KCNT2: variants seen among roughly 807,000 people sequenced by gnomAD.
The protein encoded by KCNT2 is potassium sodium-activated channel subfamily T member 2.
KCNT2 carries 67 observed loss-of-function variants against 153.8 expected under a neutral mutation model. That is an observed-to-expected ratio of 0.44 (90% CI 0.36 to 0.53). KCNT2 has a LOEUF of 0.53. Among genes scored for constraint, KCNT2 ranks in the 20% least tolerant of loss-of-function variants. KCNT2 has a pLI of 0.00. For synonymous variants in KCNT2, 500 were observed against 458.8 expected (o/e 1.09, Z -1.15); for missense variants, 975 against 1,354.8 (o/e 0.72, Z 4.40).
At chr1:196,553,659 C>G (rs964739311) in intron 1 of KCNT2, among the ~76,000 whole-genome samples, 2 of 151,020 alleles carry the variant, frequency 1.3e-5, no homozygotes, top group African/African-American at 4.8e-5. Flanking sequence ...ATTTACAGAA[C>G]ACTTCATCCA....
intron 12 of KCNT2, among the ~76,000 whole-genome samples, chr1:196,402,593 G>A (rs1217712241): frequency 1.3e-5 from 2 of 151,554 alleles, no homozygotes; most frequent in African/African-American, 4.8e-5. Context: ...AATAAAAAAT[G>A]TGGGAAAGGA....
chr1:196,396,582 ACT>A (rs146367130), intron 13 of KCNT2, among the ~76,000 whole-genome samples: 8,733 of 151,448 alleles, frequency 0.058, 388 homozygotes, highest in Non-Finnish European at 0.085. Flanking sequence ...AGCACTCCAA[ACT>A]CTTTTTGTGG....
chr1:196,533,073 G>A (rs1655147602), intron 1 of KCNT2, among the ~76,000 whole-genome samples: 1 of 152,020 alleles, frequency 6.6e-6, no homozygotes, highest in South Asian at 2.1e-4. Context: ...GGCAACCAAG[G>A]ATAATATAAA....
chr1:196,306,086 T>C (rs1445509823), intron 21 of KCNT2, among the ~76,000 whole-genome samples: 1 of 152,076 alleles, frequency 6.6e-6, no homozygotes, highest in Non-Finnish European at 1.5e-5. Context: ...TTATTTTTGC[T>C]GTTGTTCATG....
chr1:196,419,015 C>G (rs1430112503), intron 12 of KCNT2, among the ~76,000 whole-genome samples: 1 of 152,060 alleles, frequency 6.6e-6, no homozygotes, highest in Non-Finnish European at 1.5e-5. Flanking sequence ...ATTCTCTCCT[C>G]TGTGCTGGAT....
At chr1:196,536,533 T>C (rs991425403) in intron 1 of KCNT2, among the ~76,000 whole-genome samples, 1 of 152,184 alleles carries the variant, frequency 6.6e-6, no homozygotes, top group Non-Finnish European at 1.5e-5. Context: ...TGTCTAGGGG[T>C]GCCTCAGGCC....
chr1:196,566,779 C>T (rs1276750758), intron 1 of KCNT2, among the ~76,000 whole-genome samples: 1 of 151,816 alleles, frequency 6.6e-6, no homozygotes, highest in Non-Finnish European at 1.5e-5. Flanking sequence ...CAAATGAATG[C>T]CTTATAAAGA....
intron 26 of KCNT2, among the ~76,000 whole-genome samples, chr1:196,252,745 A>AT (rs1313302411): frequency 1.3e-5 from 2 of 151,364 alleles, no homozygotes; most frequent in Non-Finnish European, 3.0e-5. Flanking sequence ...GCCTTTTATC[A>AT]TTTTTTTGTA....
chr1:196,464,122 C>T (rs192680268), intron 8 of KCNT2, among the ~76,000 whole-genome samples: 1 of 151,686 alleles, frequency 6.6e-6, no homozygotes, highest in Non-Finnish European at 1.5e-5. Flanking sequence ...GAAAACACTC[C>T]TAAGTTGCCC....
chr1:196,340,630 A>T, intron 15 of KCNT2, 60 bp from the exon 16 acceptor site: 1 of 1,004,372 alleles, frequency 1.0e-6, no homozygotes, highest in Admixed American at 2.6e-5. Flanking sequence ...AAGGCTGAGG[A>T]AAATAAAAGC....
chr1:196,341,452 C>T (rs764062978), intron 15 of KCNT2, among the ~76,000 whole-genome samples: 1 of 151,832 alleles, frequency 6.6e-6, no homozygotes, highest in Non-Finnish European at 1.5e-5. Context: ...GTTGGGGGTT[C>T]CTGTACATTA....
chr1:196,276,403 T>C (rs761216598), intron 25 of KCNT2, among the ~76,000 whole-genome samples: 22 of 152,220 alleles, frequency 1.4e-4, no homozygotes, highest in Non-Finnish European at 2.2e-4. Flanking sequence ...TAATTCATCC[T>C]GAACTCTTTG....
intron 1 of KCNT2, among the ~76,000 whole-genome samples, chr1:196,506,978 T>A (rs575112834): frequency 1.7e-4 from 26 of 152,220 alleles, no homozygotes; most frequent in Middle Eastern, 3.4e-3. Flanking sequence ...CCTTAAGTTT[T>A]ATTTGGTCTC....
intron 22 of KCNT2, among the ~76,000 whole-genome samples, chr1:196,290,672 C>T (rs1324591525): frequency 4.6e-5 from 7 of 151,730 alleles, no homozygotes; most frequent in South Asian, 2.1e-4. Context: ...TTTTAATATA[C>T]TTAAATAAAT....
intron 8 of KCNT2, among the ~76,000 whole-genome samples, chr1:196,440,775 C>G (rs1373202435): frequency 6.6e-6 from 1 of 151,520 alleles, no homozygotes; most frequent in Admixed American, 6.6e-5. Flanking sequence ...TCCATCTCTA[C>G]CCTTCATCTC....
intron 3 of KCNT2, among the ~76,000 whole-genome samples, chr1:196,485,351 A>G (rs183912406): frequency 1.3e-5 from 2 of 152,166 alleles, no homozygotes; most frequent in Non-Finnish European, 2.9e-5. Flanking sequence ...AAGTTAGTTT[A>G]AGACTTTTAC....
chr1:196,322,668 T>A (rs2148052753), intron 19 of KCNT2, among the ~76,000 whole-genome samples: 1 of 152,002 alleles, frequency 6.6e-6, no homozygotes, highest in East Asian at 1.9e-4. Context: ...TGTATGAATT[T>A]GTAAAATTCA....
At chr1:196,491,284 T>C (rs947656630) in intron 2 of KCNT2, among the ~76,000 whole-genome samples, 3 of 151,994 alleles carry the variant, frequency 2.0e-5, no homozygotes, top group Non-Finnish European at 4.4e-5. Context: ...TAGAAAAACA[T>C]TAGTTGCTAA....
rs562104639 is a variant in KCNT2 at position 196,589,689 on chromosome 1, G to A, written c.95+18526C>T. On this transcript the variant is annotated intron_variant, in intron 1 of 27. Coordinates refer to ENST00000294725, the MANE Select transcript of KCNT2 (RefSeq NM_198503.5). ...TTAACTCTGATTATATGTGACTACT[G>A]TTCCACATTCTTGATATTCTTGGCT... Among the ~76,000 whole-genome samples, 17 of 152,134 alleles carry A rather than the reference G, an allele frequency of 1.1e-4. No homozygotes were observed. In the South Asian group the frequency reaches 3.5e-3, roughly 32 times the overall value.
Sources: gnomAD v4.1 joint callset for allele counts (sites outside exome capture counted in the v4.1 genomes callset) on GRCh38, gnomAD v4.1.1 for gene constraint, MANE v1.5 for transcripts, NCBI Gene and HGNC (gene_info 2026-07-23, HGNC 2026-07-21) for gene names.